Variants in FRMPD3 observed in about 807,000 individuals in gnomAD.
FRMPD3 encodes FERM and PDZ domain-containing protein 3.
Under a neutral mutation model 97.9 loss-of-function variants are expected in FRMPD3, and 42 were observed. The ratio of observed to expected loss-of-function variants is 0.43; its 90% CI spans 0.34 to 0.55. FRMPD3 has a LOEUF of 0.55. FRMPD3 is among the 20% of genes least tolerant of loss of function. The probability of loss-of-function intolerance (pLI) is 0.03; values close to 1 mark genes in which losing one functional copy is unlikely to be tolerated. For missense variants in FRMPD3, 1,303 were observed against 1,457.7 expected (o/e 0.89, Z 1.73); for synonymous variants, 577 against 581.1 (o/e 0.99, Z 0.10).
chrX:107,592,426 C>T (rs1923951514), intron 13 of FRMPD3, among the ~76,000 whole-genome samples: 1 of 111,230 alleles, frequency 9.0e-6, no homozygotes, highest in Non-Finnish European at 1.9e-5. Flanking sequence ...GCTCTGTCAC[C>T]CAGGCTGGAG....
intron 1 of FRMPD3, among the ~76,000 whole-genome samples, chrX:107,516,913 G>A (rs1361131506): frequency 9.0e-6 from 1 of 111,547 alleles, no homozygotes; most frequent in African/African-American, 3.3e-5. Context: ...GGCTTTTGTT[G>A]CCATTGCTTT....
intron 4 of FRMPD3, among the ~76,000 whole-genome samples, chrX:107,533,986 G>T (rs893599009): frequency 8.9e-6 from 1 of 112,106 alleles, no homozygotes; most frequent in African/African-American, 3.2e-5. Flanking sequence ...ATATAAATTT[G>T]CTGGGGGGTA....
Position 107,604,279 on chromosome X carries a change from AG to A in FRMPD3, c.*912del, listed in dbSNP as rs1490916854. Reference sequence around the variant, plus strand: ...AGTTTGACTTAGCTGTGGATCGGGGAGGGGGGTGGGGGGAGGGGGGAAAGGG... The same window carrying A: ...AGTTTGACTTAGCTGTGGATCGGGGAGGGGGTGGGGGGAGGGGGGAAAGGG... On this transcript the variant is annotated 3_prime_UTR_variant, in exon 15 of 15. Transcript: ENST00000683843. The A allele has an allele frequency of 2.5e-4, 1 of 3,988 alleles. No homozygotes were observed. Among genetic ancestry groups the A allele is most frequent in the Non-Finnish European group, 4.6e-4 (1 of 2,158 alleles). 0.3% of individuals were successfully genotyped at this position (3,988 alleles called of 1,213,427 possible).
chrX:107,468,349 C>G (rs1199465203), intron 1 of FRMPD3, among the ~76,000 whole-genome samples: 1 of 112,272 alleles, frequency 8.9e-6, no homozygotes, highest in Non-Finnish European at 1.9e-5. Flanking sequence ...ATTCAACGAA[C>G]AAATATTCAT....
intron 1 of FRMPD3, among the ~76,000 whole-genome samples, chrX:107,508,660 C>T (rs1447129733): frequency 9.1e-6 from 1 of 110,461 alleles, no homozygotes; most frequent in Non-Finnish European, 1.9e-5. Flanking sequence ...CCCTACAGTC[C>T]CCTCCTCCCC....
At chrX:107,565,757 A>G (rs975153075) in intron 12 of FRMPD3, among the ~76,000 whole-genome samples, 4 of 111,585 alleles carry the variant, frequency 3.6e-5, no homozygotes, top group Non-Finnish European at 7.5e-5. Context: ...AAGAAAAAAA[A>G]ATTATATTCA....
At chrX:107,495,930 C>T (rs903833955) in intron 1 of FRMPD3, among the ~76,000 whole-genome samples, 3 of 112,132 alleles carry the variant, frequency 2.7e-5, no homozygotes, top group Non-Finnish European at 5.6e-5. Context: ...CTTAAATGCC[C>T]GGTCTCTGGC....
At chrX:107,509,498 G>A (rs1292437358) in intron 1 of FRMPD3, among the ~76,000 whole-genome samples, 1 of 111,670 alleles carries the variant, frequency 9.0e-6, no homozygotes, top group Non-Finnish European at 1.9e-5. Context: ...GGAGTCAGTG[G>A]GTAGCATTAC....
In FRMPD3 at chrX:107,603,238, GCAA is replaced by G. The variant is rs769363469; in HGVS notation, c.5208_5210del (p.Gln1743del). 16 of 1,082,502 alleles carry G rather than the reference GCAA, an allele frequency of 1.5e-5. No homozygotes were observed. Among genetic ancestry groups the G allele is most frequent in the East Asian group, 1.1e-4 (3 of 28,349 alleles). The allele number at this position is 1,082,502 out of a possible 1,213,427, so 89.2% of individuals were successfully genotyped here. A position where few individuals can be genotyped will look rare whatever the true frequency, so the allele number is the denominator to read the frequency against. ...AGCAGCAGCAACAACAACAGCAGCA[GCAA>G]CAACAACAGCAGCAGCAGCAGCAGC... On this transcript the variant is annotated inframe_deletion, in exon 15 of 15. Coordinates refer to ENST00000683843, the MANE Select transcript of FRMPD3 (RefSeq NM_001388459.1).
intron 1 of FRMPD3, among the ~76,000 whole-genome samples, chrX:107,456,259 T>A (rs983207372): frequency 9.1e-6 from 1 of 110,337 alleles, no homozygotes; most frequent in African/African-American, 3.3e-5. Context: ...GGTCTCCAAT[T>A]CCTGGGCTCA....
chrX:107,474,945 G>A (rs748753998), intron 1 of FRMPD3, among the ~76,000 whole-genome samples: 1 of 111,892 alleles, frequency 8.9e-6, no homozygotes, highest in South Asian at 3.8e-4. Context: ...ACTAAATGAA[G>A]GTTCAGTATG....
chrX:107,480,865 A>C (rs1173855594), intron 1 of FRMPD3, among the ~76,000 whole-genome samples: 1 of 68,893 alleles, frequency 1.5e-5, no homozygotes, highest in African/African-American at 5.2e-5. Flanking sequence ...GAAGGAAAGA[A>C]AGAAAGGAAG....
intron 7 of FRMPD3, 29 bp downstream of exon 7, chrX:107,552,955 T>C (rs1423143910): frequency 9.2e-6 from 11 of 1,189,968 alleles, no homozygotes; most frequent in Non-Finnish European, 1.2e-5. Context: ...CAGATAGCTT[T>C]GCATGTGGCC....
intron 12 of FRMPD3, among the ~76,000 whole-genome samples, chrX:107,571,609 G>A (rs1480601101): frequency 9.0e-6 from 1 of 111,624 alleles, no homozygotes; most frequent in Non-Finnish European, 1.9e-5. Context: ...GGGTAAGAGG[G>A]GAAACTGAAG....
At chrX:107,518,102 G>A (rs1274603103) in intron 1 of FRMPD3, among the ~76,000 whole-genome samples, 1 of 111,190 alleles carries the variant, frequency 9.0e-6, no homozygotes, top group Non-Finnish European at 1.9e-5. Flanking sequence ...GAAGAGAAGT[G>A]AAAATAAAAA....
intron 1 of FRMPD3, among the ~76,000 whole-genome samples, chrX:107,485,564 A>G (rs1455783794): frequency 8.9e-6 from 1 of 112,608 alleles, no homozygotes; most frequent in East Asian, 2.8e-4. Context: ...GCTGTGTTCA[A>G]TAAGATAGGT....
At chrX:107,505,459 T>C (rs1223730371) in intron 1 of FRMPD3, among the ~76,000 whole-genome samples, 2 of 112,244 alleles carry the variant, frequency 1.8e-5, no homozygotes, top group African/African-American at 3.2e-5. Context: ...GTAAAGTAGA[T>C]GCTAGTAAAT....
chrX:107,501,393 G>T (rs1200663917), intron 1 of FRMPD3, among the ~76,000 whole-genome samples: 2 of 74,963 alleles, frequency 2.7e-5, no homozygotes, highest in African/African-American at 1.1e-4. Context: ...ACGGAGTCTC[G>T]CTCTGTCGCC....
At chrX:107,474,692 G>C (rs1202266440) in intron 1 of FRMPD3, among the ~76,000 whole-genome samples, 1 of 111,558 alleles carries the variant, frequency 9.0e-6, no homozygotes, top group African/African-American at 3.3e-5. Flanking sequence ...GGCAGGTGAT[G>C]CTAAGGATTA....
Sources: allele counts gnomAD v4.1 joint callset (sites outside exome capture counted in the v4.1 genomes callset), GRCh38; gene constraint gnomAD v4.1.1; transcripts MANE v1.5; gene names NCBI Gene and HGNC (gene_info 2026-07-23, HGNC 2026-07-21).